ATP11A: variants seen among roughly 807,000 people sequenced by gnomAD.
ATP11A encodes ATPase phospholipid transporting 11A.
ATP11A carries 81 observed loss-of-function variants against 154.4 expected under a neutral mutation model. That is an observed-to-expected ratio of 0.52 (90% CI 0.44 to 0.63). ATP11A has a LOEUF of 0.63. Among genes scored for constraint, ATP11A ranks in the 30% least tolerant of loss-of-function variants. The pLI is 0.00. For synonymous variants in ATP11A, 623 were observed against 585.9 expected (o/e 1.06, Z -0.91); for missense variants, 1,316 against 1,474.3 (o/e 0.89, Z 1.76).
chr13:112,880,594 G>A (rs2080855597), intron 29 of ATP11A: 3 of 1,299,612 alleles, frequency 2.3e-6, no homozygotes, highest in Non-Finnish European at 3.0e-6. Flanking sequence ...GAGCAGCGAT[G>A]GGCCCCTCCT....
chr13:112,699,605 T>G (rs1886273035), intron 1 of ATP11A, among the ~76,000 whole-genome samples: 1 of 152,264 alleles, frequency 6.6e-6, no homozygotes, highest in Non-Finnish European at 1.5e-5. Flanking sequence ...GACAGGTTGC[T>G]GCGGGCAAGA....
intron 29 of ATP11A, among the ~76,000 whole-genome samples, chr13:112,879,707 A>G (rs2080828460): frequency 6.6e-6 from 1 of 152,220 alleles, no homozygotes; most frequent in Non-Finnish European, 1.5e-5. Flanking sequence ...TGCCCGGCGC[A>G]CACGGGAACA....
chr13:112,762,106 T>A (rs2076977144), intron 1 of ATP11A, among the ~76,000 whole-genome samples: 1 of 152,168 alleles, frequency 6.6e-6, no homozygotes, highest in Non-Finnish European at 1.5e-5. Flanking sequence ...TCATGGAGAC[T>A]CGTGCTTATG....
Position 112,885,513 on chromosome 13 carries a change from C to T in ATP11A, c.*3647C>T, listed in dbSNP as rs1269892510. The T allele has an allele frequency of 1.3e-5, 2 of 152,220 alleles. No individual in the cohort carries two copies. Among genetic ancestry groups the T allele is most frequent in the East Asian group, 1.9e-4 (1 of 5,182 alleles). The allele number at this position is 152,220 out of a possible 1,614,324, so 9.4% of individuals were successfully genotyped here. A position where few individuals can be genotyped will look rare whatever the true frequency, so the allele number is the denominator to read the frequency against. On this transcript the variant is annotated 3_prime_UTR_variant, in exon 30 of 30. Transcript: ENST00000375645. ...GATGCACATGGACACACCCCAAACA[C>T]GCACAGGCTCCTACACACATGCACA...
At chr13:112,845,977 T>C (rs1293869424) in intron 17 of ATP11A, among the ~76,000 whole-genome samples, 1 of 152,236 alleles carries the variant, frequency 6.6e-6, no homozygotes, top group African/African-American at 2.4e-5. Flanking sequence ...CAGTTGGGGC[T>C]GTTTTGGAAG....
chr13:112,881,443 C>T (rs2080881294), intron 29 of ATP11A: 9 of 1,061,748 alleles, frequency 8.5e-6, no homozygotes, highest in Admixed American at 4.9e-5. Context: ...TCTCTGGGTA[C>T]CGGTATGGCG....
chr13:112,726,290 A>G (rs1889882086), intron 1 of ATP11A, among the ~76,000 whole-genome samples: 1 of 139,002 alleles, frequency 7.2e-6, no homozygotes. Flanking sequence ...GTCTGTGTGC[A>G]GGGAGAGGGG....
At position 112,859,422 on chromosome 13, in the gene ATP11A, A is replaced by T. The variant is rs781480679; in HGVS notation, c.2697A>T (p.Leu899Phe). The change falls in exon 23 of 30, where the codon TTA becomes TTT. Residue 899 changes from leucine to phenylalanine, a missense_variant. Around this residue, in one of 5 missense-constraint regions of ATP11A, gnomAD observed 19 missense variants for 46.6 expected, o/e 0.41. Transcript: ENST00000375645. The surrounding 1 kb of genome is among the most constrained non-coding windows in gnomAD (Gnocchi z 4.3). ...KNVCFIFPQF[L>F]YQFFCGFSQQ... ...TCTGCTTCATCTTCCCTCAGTTTTT[A>T]TACCAGTTCTTCTGTGGGTTTTCAC... is the stretch of plus-strand genomic sequence containing the variant. The T allele has an allele frequency of 6.2e-7, 1 of 1,613,984 alleles. No homozygotes were observed. The highest frequency in any genetic ancestry group is 1.1e-5 in the South Asian group (1 of 91,074).
At chr13:112,692,007 C>T (rs1340587768) in intron 1 of ATP11A, among the ~76,000 whole-genome samples, 1 of 152,032 alleles carries the variant, frequency 6.6e-6, no homozygotes, top group Non-Finnish European at 1.5e-5. Flanking sequence ...GGTGCTCGAG[C>T]CCCCAGTTCA....
intron 1 of ATP11A, among the ~76,000 whole-genome samples, chr13:112,711,876 C>T (rs1281790175): frequency 2.0e-5 from 3 of 152,220 alleles, no homozygotes; most frequent in Non-Finnish European, 2.9e-5. Flanking sequence ...GAATACAGCC[C>T]AGGAGCCTGG....
At chr13:112,839,571 A>T (rs571128994) in intron 16 of ATP11A, among the ~76,000 whole-genome samples, 3 of 152,112 alleles carry the variant, frequency 2.0e-5, no homozygotes, top group African/African-American at 7.2e-5. Context: ...GCCACCAACC[A>T]CGGCTGCACC....
rs569300052 is a variant in ATP11A, at chr13:112,766,682, G to A, written c.40-18453G>A. On this transcript the variant is annotated intron_variant, in intron 1 of 29. Coordinates refer to ENST00000375645, the MANE Select transcript of ATP11A (RefSeq NM_015205.3). The stretch of plus-strand genomic sequence containing the variant: ...CCCACCCCCCAGGATGGGGGCAGAA[G>A]CACCTGAGGGAGTCTGCCTCTTCCC... 2.6e-5 allele frequency among the ~76,000 whole-genome samples: 4 copies of A among 152,212 alleles called. No homozygotes were observed. In the South Asian group the frequency reaches 8.3e-4, roughly 32 times the overall value.
intron 1 of ATP11A, among the ~76,000 whole-genome samples, chr13:112,715,661 T>G (rs35745507): frequency 0.086 from 12,597 of 147,050 alleles, 593 homozygotes; most frequent in Middle Eastern, 0.12. Flanking sequence ...TACAGTTGAT[T>G]AAAATCTTAC....
In ATP11A at chr13:112,877,232, G is replaced by A. The variant is rs557665987; in HGVS notation, c.3328-985G>A. 3.9e-5 allele frequency among the ~76,000 whole-genome samples: 6 copies of A among 152,320 alleles called. No homozygotes were observed. The South Asian group carries it at 8.3e-4, about 21-fold the overall frequency. On this transcript the variant is annotated intron_variant, in intron 28 of 29. Coordinates refer to ENST00000375645, the MANE Select transcript of ATP11A (RefSeq NM_015205.3). ...AGGGGAGACAGTGGGAGCAGGAGCC[G>A]GGGCCCTGGCTGAGACTCCGCGGCC...
chr13:112,791,814 G>C (rs955011540), intron 2 of ATP11A, among the ~76,000 whole-genome samples: 2 of 152,152 alleles, frequency 1.3e-5, no homozygotes, highest in East Asian at 3.9e-4. Flanking sequence ...GATCCGGGGA[G>C]CCCTGCAGGT....
chr13:112,712,631 GCAGAGCCCCTCT>G (rs1215051840), intron 1 of ATP11A, among the ~76,000 whole-genome samples: 1 of 152,212 alleles, frequency 6.6e-6, no homozygotes, highest in African/African-American at 2.4e-5. Flanking sequence ...GACTCCCTGC[GCAGAGCCCCTCT>G]CACTGGACCG....
At chr13:112,749,851 C>T (rs1046441205) in intron 1 of ATP11A, among the ~76,000 whole-genome samples, 4 of 134,202 alleles carry the variant, frequency 3.0e-5, no homozygotes, top group African/African-American at 1.1e-4. Context: ...AGGAGAGTCT[C>T]CATCCTCCCA....
chr13:112,724,089 C>T (rs998876484), intron 1 of ATP11A, among the ~76,000 whole-genome samples: 33 of 150,314 alleles, frequency 2.2e-4, no homozygotes. Flanking sequence ...GTGGACCAGC[C>T]CCTATCGTCC....
At chr13:112,772,895 A>G (rs1482735597) in intron 1 of ATP11A, among the ~76,000 whole-genome samples, 1 of 152,210 alleles carries the variant, frequency 6.6e-6, no homozygotes, top group Non-Finnish European at 1.5e-5. Flanking sequence ...TTGAGTTTGA[A>G]TCATTCTGTA....
Sources: allele counts gnomAD v4.1 joint callset (sites outside exome capture counted in the v4.1 genomes callset), GRCh38; gene constraint gnomAD v4.1.1; regional missense constraint gnomAD v4.1.1; non-coding constraint Gnocchi (gnomAD v3.1); transcripts MANE v1.5; gene names NCBI Gene and HGNC (gene_info 2026-07-23, HGNC 2026-07-21).